TPO: variants seen among roughly 807,000 people sequenced by gnomAD.
TPO encodes thyroid microsomal antigen.
TPO carries 78 observed loss-of-function variants against 96.9 expected under a neutral mutation model. The ratio of observed to expected loss-of-function variants is 0.81; its 90% confidence interval spans 0.67 to 0.97. The LOEUF is 0.97. Ranked by LOEUF, TPO falls within the 50% of genes least tolerant of loss-of-function variation. The pLI, the probability that TPO is intolerant of heterozygous loss-of-function variation, is 0.00. For missense variants in TPO, 1,252 were observed against 1,274.8 expected, an observed-to-expected ratio of 0.98 and a Z score of 0.27; for synonymous variants, 547 against 538.0, an observed-to-expected ratio of 1.02 and a Z score of -0.23.
Position 1,380,208 on chromosome 2 carries a change from T to C in TPO, n.180+5806T>C, listed in dbSNP as rs189358751. On this transcript the variant is annotated intron_variant and non_coding_transcript_variant, in intron 1 of 5. Coordinates refer to the TPO transcript ENST00000497517. ...AGGAGATCAAGACCATCCTGGCTAA[T>C]ACGGTGAAACCCCGTCTCTACTAAA... 7.0e-3 allele frequency among the ~76,000 whole-genome samples: 1,063 copies of C among 152,034 alleles called. 21 individuals carry two copies. Among genetic ancestry groups the C allele is most frequent in the African/African-American group, 0.023 (948 of 41,470 alleles).
intron 5 of TPO, among the ~76,000 whole-genome samples, chr2:1,444,957 G>A: frequency 5.3e-5 from 1 of 18,892 alleles, no homozygotes; most frequent in East Asian, 1.3e-3. Context: ...GTACCATGTT[G>A]GAAGGGAATG....
chr2:1,438,217 G>A (rs1408888966), intron 5 of TPO, among the ~76,000 whole-genome samples: 1 of 151,954 alleles, frequency 6.6e-6, no homozygotes, highest in Non-Finnish European at 1.5e-5. Flanking sequence ...TGTGGGGGCG[G>A]GGCTGCTCTC....
intron 3 of TPO, among the ~76,000 whole-genome samples, chr2:1,429,030 G>T (rs1664716023): frequency 6.6e-6 from 1 of 152,126 alleles, no homozygotes; most frequent in Admixed American, 6.6e-5. Context: ...AAACATGTCA[G>T]CCGATATAAA....
At chr2:1,412,838 C>A (rs988830509), upstream of TPO, among the ~76,000 whole-genome samples, 1 of 151,898 alleles carries the variant, frequency 6.6e-6, no homozygotes. Flanking sequence ...CATGTCATCT[C>A]CCAGTGTTCG....
chr2:1,533,228 G>C (rs1678755989), intron 15 of TPO, among the ~76,000 whole-genome samples: 1 of 46,630 alleles, frequency 2.1e-5, no homozygotes, highest in Non-Finnish European at 3.4e-5. Flanking sequence ...CCCCCACTGT[G>C]AGCAACCTCC....
chr2:1,411,634 T>A (rs533642493), upstream of TPO, among the ~76,000 whole-genome samples: 1 of 152,252 alleles, frequency 6.6e-6, no homozygotes, highest in African/African-American at 2.4e-5. Context: ...AGGTCATAGA[T>A]CCAAATGAGA....
rs930333900 is a variant in TPO at position 1,429,071 on chromosome 2, A to G, written c.180-4367A>G. Among the ~76,000 whole-genome samples, 6 of 152,330 alleles carry G rather than the reference A, an allele frequency of 3.9e-5. No homozygotes were observed. In the South Asian group the frequency reaches 6.2e-4, roughly 16 times the overall value. On this transcript the variant is annotated intron_variant, in intron 3 of 16. Coordinates refer to ENST00000329066, the MANE Select transcript of TPO (RefSeq NM_001206744.2). ...TGTTTTATATTTTAAGTTAAATGTCATACGCATTTGTATGTACATGAAGTT... is the reference window on the plus strand; with the variant it reads ...TGTTTTATATTTTAAGTTAAATGTCGTACGCATTTGTATGTACATGAAGTT...
intron 8 of TPO, among the ~76,000 whole-genome samples, chr2:1,479,749 T>A (rs1670356108): frequency 6.7e-6 from 1 of 148,678 alleles, no homozygotes; most frequent in Non-Finnish European, 1.5e-5. Flanking sequence ...CTCCTTGTCC[T>A]CCTCCTCGTC....
intron 15 of TPO, among the ~76,000 whole-genome samples, chr2:1,534,601 C>G (rs1679130150): frequency 6.7e-6 from 1 of 150,118 alleles, no homozygotes; most frequent in Non-Finnish European, 1.5e-5. Flanking sequence ...GCAACCGCAC[C>G]AAATCGCGCC....
At chr2:1,404,519 T>C (rs1573062858) in intron 1 of TPO, among the ~76,000 whole-genome samples, 1 of 152,202 alleles carries the variant, frequency 6.6e-6, no homozygotes, top group Non-Finnish European at 1.5e-5. Context: ...GGTTTGGCCC[T>C]AGTTACATAC....
At chr2:1,402,245 G>C (rs1047136644) in intron 1 of TPO, among the ~76,000 whole-genome samples, 2 of 152,176 alleles carry the variant, frequency 1.3e-5, no homozygotes, top group South Asian at 4.1e-4. Flanking sequence ...AGCTGCGGTC[G>C]GCATCCACGG....
intron 15 of TPO, among the ~76,000 whole-genome samples, chr2:1,524,191 C>CA (rs1675870116): frequency 8.0e-6 from 1 of 124,926 alleles, no homozygotes; most frequent in Non-Finnish European, 1.7e-5. Context: ...AAATCCCCAT[C>CA]CTGTGTGCAA....
chr2:1,449,080 C>G (rs1217447518), intron 5 of TPO, among the ~76,000 whole-genome samples: 1 of 152,164 alleles, frequency 6.6e-6, no homozygotes, highest in Non-Finnish European at 1.5e-5. Flanking sequence ...TCCAATACAG[C>G]CTTAAAGCCC....
chr2:1,480,828 G>GCTGCATCCGTCCACACCACCTCCCTCCTC (rs1670556602), intron 8 of TPO, among the ~76,000 whole-genome samples: 3 of 65,462 alleles, frequency 4.6e-5, no homozygotes, highest in African/African-American at 1.4e-4. Flanking sequence ...CCACGTCCCT[G>GCTGCATCCGTCCACACCACCTCCCTCCTC]CTGCTGCGTC....
intron 5 of TPO, chr2:1,438,673 G>A (rs1195038212): frequency 5.5e-6 from 3 of 550,346 alleles, no homozygotes; most frequent in Non-Finnish European, 6.6e-6. Flanking sequence ...AAATTGCAGT[G>A]GAGGGTGAAT....
At position 1,499,236 on chromosome 2, in the gene TPO, C is replaced by G. The variant is rs572403213; in HGVS notation, c.2386+2471C>G. Among the ~76,000 whole-genome samples, 9 of 152,148 alleles carry G rather than the reference C, an allele frequency of 5.9e-5. No homozygotes were observed. The South Asian group carries it at 1.7e-3, about 28-fold the overall frequency. The stretch of plus-strand genomic sequence containing the variant: ...TGCCCTCTGACCTTCCGCCTGCCCT[C>G]TGACCTTCCACCTGCCCTCTGACCT... On this transcript the variant is annotated intron_variant, in intron 13 of 16. Coordinates refer to ENST00000329066, the MANE Select transcript of TPO (RefSeq NM_001206744.2).
At chr2:1,476,976 G>A in intron 7 of TPO, 110 bp from the exon 8 acceptor site, 1 of 1,374,150 alleles carries the variant, frequency 7.3e-7, no homozygotes, top group Non-Finnish European at 9.8e-7. Context: ...AGGACTGGAG[G>A]GGCAGAGAAA....
At chr2:1,422,998 C>T (rs754095484) in intron 2 of TPO, 47 bp from the exon 3 acceptor site, 5 of 1,588,928 alleles carry the variant, frequency 3.1e-6, no homozygotes, top group African/African-American at 1.3e-5. Context: ...GTCAGTGAAT[C>T]GCTGAACTGT....
At position 1,488,036 on chromosome 2, in the gene TPO, G is replaced by T. The variant is rs1338103009; in HGVS notation, c.1768+45G>T. 3.7e-6 allele frequency: 6 copies of T among 1,610,078 alleles called. No individual in the cohort carries two copies. The South Asian group carries it at 6.6e-5, about 18-fold the overall frequency. On this transcript the variant is annotated intron_variant, in intron 10 of 16. Transcript: ENST00000329066. The stretch of plus-strand genomic sequence containing the variant: ...TGCACACCTCATGCAGCTGCTGCGG[G>T]ATTTGCCGAGCTAGCAACCTGCTGC...
Sources: gnomAD v4.1 joint callset for allele counts (sites outside exome capture counted in the v4.1 genomes callset) on GRCh38, gnomAD v4.1.1 for gene constraint, MANE v1.5 for transcripts, NCBI Gene and HGNC (gene_info 2026-07-23, HGNC 2026-07-21) for gene names.